Variants in TTN observed in about 807,000 individuals in gnomAD.
TTN encodes the protein titin, also known as connectin.
Under a neutral mutation model 3,223.0 loss-of-function variants are expected in TTN, and 1,525 were observed. The observed-to-expected ratio is 0.47, with a 90% CI of 0.45 to 0.49. The LOEUF is 0.49. TTN is among the 20% of genes least tolerant of loss of function. The pLI, the probability that TTN is intolerant of heterozygous loss-of-function variation, is 0.00. For missense variants in TTN, 40,786 were observed against 43,424.0 expected (o/e 0.94, Z 5.40); for synonymous variants, 14,094 against 15,161.0 (o/e 0.93, Z 5.17).
At position 178,636,086 on chromosome 2, in the gene TTN, C is replaced by T. The variant is rs1157546543; in HGVS notation, c.41485G>A (p.Gly13829Ser). 3 of 1,613,270 alleles carry T rather than the reference C, an allele frequency of 1.9e-6. No individual in the cohort carries two copies. Among genetic ancestry groups the T allele is most frequent in the Middle Eastern group, 1.7e-4 (1 of 6,056 alleles). ...AGAGCCCGCATCAAGCCAATGACGC[C>T]TGGCACAATTCGGCCAGGTTTCTCC... Reference protein sequence around the residue: ...VVEKPGRIVPGVIGLMRALTI... With the variant: ...VVEKPGRIVPSVIGLMRALTI... The change falls in exon 226 of 363, where the codon GGC (glycine) becomes AGC (serine). Residue 13829 changes from glycine to serine, a missense_variant. Physicochemically the swap from Gly to Ser is moderately conservative, Grantham distance 56 (BLOSUM62 0). Transcript: ENST00000589042. The surrounding 1 kb of genome is among the most constrained non-coding windows in gnomAD (Gnocchi z 4.3).
chr2:178,613,737 G>A lies in TTN; in HGVS notation c.49532+14C>T. Reference sequence around the variant, plus strand: ...ACTGCTGTCTTAACATCTTGATGGGGATTCTGAGCATACCTGTATGTTGTG... The same window carrying A: ...ACTGCTGTCTTAACATCTTGATGGGAATTCTGAGCATACCTGTATGTTGTG... On this transcript the variant is annotated intron_variant, in intron 263 of 362. Coordinates refer to ENST00000589042, the MANE Select transcript of TTN (RefSeq NM_001267550.2). The A allele has an allele frequency of 1.2e-6, 2 of 1,608,710 alleles. No individual in the cohort carries two copies. Among genetic ancestry groups the A allele is most frequent in the Non-Finnish European group, 8.5e-7 (1 of 1,177,438 alleles).
chr2:178,776,375 C>A lies in TTN; in HGVS notation c.5489G>T (p.Gly1830Val). Reference protein sequence around the residue: ...ERMAHEGALTGVTTDQKEKQK... With the variant: ...ERMAHEGALTVVTTDQKEKQK... ...CTTTTCTTTCTGATCTGTTGTTACA[C>A]CTGTAAGTGCACCTTCATGAGCCAT... The change falls in exon 28 of 363, where the codon GGT becomes GTT. Residue 1830 changes from glycine to valine, a missense_variant. By Grantham distance (109) the Gly-to-Val change is moderately radical (BLOSUM62 -3). Coordinates refer to ENST00000589042, the MANE Select transcript of TTN (RefSeq NM_001267550.2). The A allele has an allele frequency of 1.2e-6, 2 of 1,613,168 alleles. No individual in the cohort carries two copies. Among genetic ancestry groups the A allele is most frequent in the Non-Finnish European group, 1.7e-6 (2 of 1,179,978 alleles).
Position 178,533,102 on chromosome 2 carries a change from C to A in TTN, c.103513G>T (p.Glu34505Ter). 1 of 1,613,980 alleles carries A rather than the reference C, an allele frequency of 6.2e-7. No homozygotes were observed. Residue 34505 changes from glutamate to a stop codon, truncating the protein, a stop_gained, in exon 358 of 363, where the codon GAA (glutamate) becomes TAA (stop). Coordinates refer to ENST00000589042, the MANE Select transcript of TTN (RefSeq NM_001267550.2). LOFTEE classifies it high-confidence loss of function. ...LTQVAKEALREAAVLYKPAVS... is the reference protein window; with the variant it reads ...LTQVAKEALR ...GCCGGTTTATAAAGGACAGCAGCTT[C>A]TCTCAGAGCCTCTTTAGCTACCTGT...
chr2:178,668,320 T>A (rs1170247407), intron 159 of TTN, among the ~76,000 whole-genome samples: 1 of 152,094 alleles, frequency 6.6e-6, no homozygotes, highest in African/African-American at 2.4e-5. Context: ...ATAACTAAAG[T>A]CAAGAATAGA....
chr2:178,733,301 T>C lies in TTN; in HGVS notation c.15992A>G (p.Tyr5331Cys), dbSNP rs369924189. 2 of 1,613,504 alleles carry C rather than the reference T, an allele frequency of 1.2e-6. No homozygotes were observed. The highest frequency in any genetic ancestry group is 2.7e-5 in the African/African-American group (2 of 74,936). ...CACTTCATTGGAAATCTCAAATGTG[T>C]ATTGGCCACTGTCGTGCAGCTCAGC... Reference protein sequence around the residue: ...YSAELHDSGQYTFEISNEVGS... With the variant: ...YSAELHDSGQCTFEISNEVGS... The change falls in exon 54 of 363, where the codon TAC becomes TGC. Residue 5331 changes from tyrosine (Y) to cysteine (C), a missense_variant. Physicochemically the swap from Tyr to Cys is radical, Grantham distance 194. Coordinates refer to ENST00000589042, the MANE Select transcript of TTN (RefSeq NM_001267550.2).
rs369779060 is a variant in TTN at position 178,640,623 on chromosome 2, T to A, written c.40641A>T (p.Glu13547Asp). Residue 13547 changes from glutamate to aspartate, a missense_variant, in exon 221 of 363, where the codon GAA becomes GAT. Transcript: ENST00000589042. ...CTTCAACAGGTTTTGGAGGTGGTGG[T>A]TCTGGTACTTTAAGATAAGATTATT... ...LEKVKKPAVP[E>D]PPPPKPVEEV... is the part of the protein sequence containing the mutation. The A allele has an allele frequency of 3.2e-6, 5 of 1,577,980 alleles. No homozygotes were observed. The highest frequency in any genetic ancestry group is 1.4e-5 in the African/African-American group (1 of 71,566).
In TTN at chr2:178,607,643, A is replaced by G; in HGVS notation, c.53045T>C (p.Ile17682Thr). 2 of 1,613,046 alleles carry G rather than the reference A, an allele frequency of 1.2e-6. No individual in the cohort carries two copies. Among genetic ancestry groups the G allele is most frequent in the Non-Finnish European group, 1.7e-6 (2 of 1,179,354 alleles). ...AAGAGTCTTCCCAGCCATTATTTGT[A>G]TTCCACCCTTGACAGAAACATCCAG... Reference protein sequence around the residue: ...VELDVSVKGGIQIMAGKTLRI... With the variant: ...VELDVSVKGGTQIMAGKTLRI... Residue 17682 changes from isoleucine to threonine, a missense_variant, in exon 277 of 363, where the codon ATA (isoleucine) becomes ACA (threonine). Ile to Thr is a moderately conservative substitution (Grantham distance 89). Coordinates refer to ENST00000589042, the MANE Select transcript of TTN (RefSeq NM_001267550.2).
chr2:178,696,140 C>G lies in TTN; in HGVS notation c.30932G>C (p.Arg10311Thr), dbSNP rs376271601. The part of the protein sequence containing the change: ...EKKQAVHKEK[R>T]VFIESFEEPY... ...TTCTTCGAAAGATTCAATGAAGACT[C>G]TCTTCTCCTTGTGGACTGCTTGCTT... The change falls in exon 114 of 363, where the codon AGA (arginine) becomes ACA (threonine). Residue 10311 changes from arginine to threonine, a missense_variant. Arg to Thr is a moderately conservative substitution (Grantham distance 71). Coordinates refer to ENST00000589042, the MANE Select transcript of TTN (RefSeq NM_001267550.2). 6 of 1,552,900 alleles carry G rather than the reference C, an allele frequency of 3.9e-6. No homozygotes were observed. The African/African-American group carries it at 4.1e-5, about 11-fold the overall frequency.
rs1423594676 is a variant in TTN, at chr2:178,767,809, A to C, written c.9421T>G (p.Phe3141Val). Reference sequence around the variant, plus strand: ...ATGCGAACATCTCTGCCTTCTACAAAGAGTTTTGCAGTTGACACGTTGCCT... The same window carrying C: ...ATGCGAACATCTCTGCCTTCTACAACGAGTTTTGCAGTTGACACGTTGCCT... ...AGGNVSTAKL[F>V]VEGRDVRIRS... Residue 3141 changes from phenylalanine to valine, a missense_variant, in exon 40 of 363, where the codon TTT becomes GTT. Phe to Val is a conservative substitution (Grantham distance 50). Transcript: ENST00000589042. The C allele has an allele frequency of 6.2e-7, 1 of 1,614,182 alleles. No individual in the cohort carries two copies. Among genetic ancestry groups the C allele is most frequent in the African/African-American group, 1.3e-5 (1 of 75,066 alleles).
rs367958537 is a variant in TTN at position 178,642,280 on chromosome 2, C to T, written c.40515G>A (p.Pro13505=). The change falls in exon 219 of 363, where the codon CCG becomes CCA. Residue 13505 remains proline (P), a synonymous_variant. Transcript: ENST00000589042. ...CTTCCTTTGGTTCAGGTTTACGTTC[C>T]GGAAGTAATTTGCGAACTTTCTTTT... The part of the protein sequence containing the change: ...GGEKKVRKLL[P]ERKPEPKEEV... The T allele has an allele frequency of 1.3e-4, 201 of 1,595,410 alleles. No homozygotes were observed. In the Admixed American group the frequency reaches 3.2e-3, roughly 25 times the overall value.
Position 178,615,452 on chromosome 2 carries a change from T to C in TTN, c.48493A>G (p.Arg16165Gly), listed in dbSNP as rs1404754680. 1.2e-6 allele frequency: 2 copies of C among 1,612,228 alleles called. No homozygotes were observed. Among genetic ancestry groups the C allele is most frequent in the African/African-American group, 2.7e-5 (2 of 74,806 alleles). The change falls in exon 259 of 363, where the codon AGA (arginine) becomes GGA (glycine). Residue 16165 changes from arginine to glycine, a missense_variant. Coordinates refer to ENST00000589042, the MANE Select transcript of TTN (RefSeq NM_001267550.2). ...VPDPPENVKW[R>G]DRTANSIFLT... ...AAGATGCTATTGGCTGTTCGATCTC[T>C]CCATTTAACATTCTCTGGTGGGTCA...
chr2:178,789,887 C>A, intron 12 of TTN, 91 bp downstream of exon 12: 1 of 1,552,576 alleles, frequency 6.4e-7, no homozygotes, highest in Non-Finnish European at 8.8e-7. Flanking sequence ...AAGGCAAATA[C>A]AGATTAATAA....
Position 178,609,980 on chromosome 2 carries a change from G to C in TTN, c.51443C>G (p.Pro17148Arg), listed in dbSNP as rs2154198776. The change falls in exon 272 of 363, where the codon CCT becomes CGT. Residue 17148 changes from proline to arginine, a missense_variant. By Grantham distance (103) the Pro-to-Arg change is moderately radical (BLOSUM62 -2). Transcript: ENST00000589042. ...AACCTCTACATCTACAGGTGGATCAGGGGGTTCTGAAGAACAAGAAAAAAA... is the reference window on the plus strand; with the variant it reads ...AACCTCTACATCTACAGGTGGATCACGGGGTTCTGAAGAACAAGAAAAAAA... Reference protein sequence around the residue: ...PVIAQDPKQPPDPPVDVEVHN... With the variant: ...PVIAQDPKQPRDPPVDVEVHN... 3.1e-6 allele frequency: 5 copies of C among 1,610,910 alleles called. No homozygotes were observed. Among genetic ancestry groups the C allele is most frequent in the Non-Finnish European group, 4.2e-6 (5 of 1,178,716 alleles).
chr2:178,616,494 C>T lies in TTN; in HGVS notation c.48297G>A (p.Arg16099=), dbSNP rs1158107746. Residue 16099 remains arginine (R), a synonymous_variant, in exon 257 of 363, where the codon CGG becomes CGA. Transcript: ENST00000589042. ...GYVVEKREVS[R]KTWTKVMDFV... ...CAAAACTCACTTTAGTCCATGTTTT[C>T]CGGCTGACTTCTCGTTTTTCAACAA... 2 of 1,612,044 alleles carry T rather than the reference C, an allele frequency of 1.2e-6. No individual in the cohort carries two copies. The highest frequency in any genetic ancestry group is 8.5e-7 in the Non-Finnish European group (1 of 1,178,776).
chr2:178,805,245 G>A (rs2094259088), intron 1 of TTN, among the ~76,000 whole-genome samples: 1 of 150,886 alleles, frequency 6.6e-6, no homozygotes, highest in South Asian at 2.1e-4. Context: ...TTGGGAGGCT[G>A]AGGCATGAGA....
rs397517684 is a variant in TTN at position 178,575,827 on chromosome 2, C to A, written c.70305G>T (p.Thr23435=). ...SGFVNVRVLD[T]PGPVLNLRPT... ...GCCGCAGGTTGAGGACTGGGCCTGG[C>A]GTGTCCAAGACTCTGACGTTCACAA... Residue 23435 remains threonine (T), a synonymous_variant, in exon 326 of 363, where the codon ACG becomes ACT. Transcript: ENST00000589042. The surrounding 1 kb of genome is among the most constrained non-coding windows in gnomAD (Gnocchi z 4.0). The A allele has an allele frequency of 1.2e-6, 2 of 1,613,242 alleles. No individual in the cohort carries two copies. Among genetic ancestry groups the A allele is most frequent in the Non-Finnish European group, 1.7e-6 (2 of 1,179,542 alleles).
chr2:178,652,626 CT>C, intron 201 of TTN, 26 bp downstream of exon 201: 1 of 1,613,062 alleles, frequency 6.2e-7, no homozygotes, highest in South Asian at 1.1e-5. Context: ...GATAGATCTT[CT>C]GACGCTTAAA....
At chr2:178,736,932 G>A (rs1054215271) in intron 49 of TTN, among the ~76,000 whole-genome samples, 30 of 152,112 alleles carry the variant, frequency 2.0e-4, no homozygotes, top group Admixed American at 1.9e-3. Flanking sequence ...TTCAAGAGAT[G>A]TGCTGCATTT....
intron 295 of TTN, 40 bp from the exon 296 acceptor site, chr2:178,594,686 T>G: frequency 6.7e-7 from 1 of 1,500,604 alleles, no homozygotes. Context: ...GAAAAAAATG[T>G]CACATTAAGA....
Sources: allele counts gnomAD v4.1 joint callset (sites outside exome capture counted in the v4.1 genomes callset), GRCh38; gene constraint gnomAD v4.1.1; non-coding constraint Gnocchi (gnomAD v3.1); transcripts MANE v1.5; gene names NCBI Gene and HGNC (gene_info 2026-07-23, HGNC 2026-07-21).